Variants in PIK3C2G observed in about 807,000 individuals in gnomAD.
PIK3C2G encodes phosphatidylinositol 3-kinase C2 domain-containing subunit gamma.
A neutral mutation model predicts 181.1 loss-of-function variants in PIK3C2G; 168 were observed. The observed-to-expected ratio is 0.93, with a 90% CI of 0.82 to 1.05. The LOEUF is 1.05. PIK3C2G is among the 50% of genes least tolerant of loss of function. The probability of loss-of-function intolerance (pLI) is 0.00; values close to 1 mark genes in which losing one functional copy is unlikely to be tolerated. For missense variants in PIK3C2G, 1,869 were observed against 1,732.8 expected, an observed-to-expected ratio of 1.08 and a Z score of -1.40; for synonymous variants, 573 against 592.2, an observed-to-expected ratio of 0.97 and a Z score of 0.47.
intron 30 of PIK3C2G, among the ~76,000 whole-genome samples, chr12:18,605,835 G>T (rs1221714673): frequency 6.6e-6 from 1 of 152,028 alleles, no homozygotes; most frequent in Non-Finnish European, 1.5e-5. Context: ...ACAGCATGGT[G>T]CTTATAAACC....
chr12:18,468,579 C>A (rs976770925), intron 18 of PIK3C2G, among the ~76,000 whole-genome samples: 3 of 152,000 alleles, frequency 2.0e-5, no homozygotes, highest in Admixed American at 1.3e-4. Flanking sequence ...AGTTTAAGAT[C>A]ATTATTTATA....
chr12:18,472,589 T>C (rs867145337), intron 18 of PIK3C2G, among the ~76,000 whole-genome samples: 14 of 152,316 alleles, frequency 9.2e-5, no homozygotes, highest in African/African-American at 3.4e-4. Context: ...TAGTATTATA[T>C]ACATTCATTG....
At chr12:18,613,554 T>A (rs11831892) in intron 31 of PIK3C2G, among the ~76,000 whole-genome samples, 30,923 of 151,784 alleles carry the variant, frequency 0.2, 3,215 homozygotes, top group African/African-American at 0.24. Flanking sequence ...AGCCTGGGGG[T>A]CCTTGTTTTT....
intron 11 of PIK3C2G, among the ~76,000 whole-genome samples, chr12:18,351,988 G>C (rs138479051): frequency 2.0e-5 from 3 of 152,078 alleles, no homozygotes; most frequent in Non-Finnish European, 4.4e-5. Context: ...TGGGATGTTC[G>C]CATAACAATA....
At chr12:18,278,043 T>C (rs905887537) in intron 1 of PIK3C2G, among the ~76,000 whole-genome samples, 6 of 152,190 alleles carry the variant, frequency 3.9e-5, no homozygotes, top group African/African-American at 1.2e-4. Context: ...TCTATACTTA[T>C]TCTAGTCTCT....
intron 15 of PIK3C2G, among the ~76,000 whole-genome samples, chr12:18,395,654 G>A (rs77715496): frequency 0.13 from 19,293 of 150,472 alleles, 1,269 homozygotes; most frequent in African/African-American, 0.16. Context: ...AAAAGTGATT[G>A]AAGAAAAATG....
intron 16 of PIK3C2G, among the ~76,000 whole-genome samples, chr12:18,414,792 T>G (rs2135661787): frequency 6.6e-6 from 1 of 152,350 alleles, no homozygotes; most frequent in South Asian, 2.1e-4. Flanking sequence ...TTGCAGGAAC[T>G]TCAGCAGTAC....
chr12:18,663,163 A>G, the PIK3C2G span, among the ~76,000 whole-genome samples: 1 of 152,146 alleles, frequency 6.6e-6, no homozygotes, highest in Non-Finnish European at 1.5e-5. Context: ...AAGATCAGGA[A>G]CAAGGCAAGG....
At chr12:18,594,441 G>A in intron 29 of PIK3C2G, 53 bp from the exon 30 acceptor site, 2 of 995,362 alleles carry the variant, frequency 2.0e-6, no homozygotes, top group Non-Finnish European at 3.0e-6. Flanking sequence ...ATAATGAATA[G>A]CAGTAACAAA....
intron 24 of PIK3C2G, among the ~76,000 whole-genome samples, chr12:18,515,513 T>A (rs999397906): frequency 6.6e-5 from 10 of 152,182 alleles, no homozygotes; most frequent in Non-Finnish European, 8.8e-5. Context: ...TGGCATATAA[T>A]TGCCCATAAT....
intron 23 of PIK3C2G, 71 bp from the exon 24 acceptor site, chr12:18,505,221 T>C (rs1941742599): frequency 1.6e-6 from 2 of 1,276,406 alleles, no homozygotes; most frequent in Admixed American, 5.3e-5. Context: ...CTTTTTATGA[T>C]TACCTCTGAT....
the PIK3C2G span, among the ~76,000 whole-genome samples, chr12:18,700,160 A>T: frequency 6.6e-6 from 1 of 152,166 alleles, no homozygotes; most frequent in Non-Finnish European, 1.5e-5. Flanking sequence ...TTTAAAAATC[A>T]TGATTAATGT....
At chr12:18,684,199 C>T in the PIK3C2G span, 2 of 1,612,154 alleles carry the variant, frequency 1.2e-6, no homozygotes, top group Admixed American at 3.3e-5. Context: ...AAACCTTGAC[C>T]TTCAACAACA....
intron 18 of PIK3C2G, among the ~76,000 whole-genome samples, chr12:18,475,446 G>A (rs1419399961): frequency 2.0e-5 from 3 of 147,736 alleles, no homozygotes; most frequent in Non-Finnish European, 4.5e-5. Context: ...TTTTTCCCCC[G>A]AGATGAAAAA....
intron 6 of PIK3C2G, among the ~76,000 whole-genome samples, chr12:18,318,650 C>T (rs16914110): frequency 0.12 from 18,552 of 151,690 alleles, 1,370 homozygotes; most frequent in East Asian, 0.22. Context: ...TTTATTGATA[C>T]CATTACCTCG....
At chr12:18,714,953 GTTTTTCCAAACAGAA>G in the PIK3C2G span, 6 of 151,808 alleles carry the variant, frequency 4.0e-5, no homozygotes, top group Non-Finnish European at 7.4e-5. Context: ...AAAATCAGTA[GTTTTTCCAAACAGAA>G]GCACAGAGCA....
At chr12:18,636,080 C>T (rs1949588700) in intron 31 of PIK3C2G, among the ~76,000 whole-genome samples, 1 of 152,198 alleles carries the variant, frequency 6.6e-6, no homozygotes, top group Non-Finnish European at 1.5e-5. Flanking sequence ...ATACTGTCAT[C>T]AGTGTAATGG....
intron 1 of PIK3C2G, among the ~76,000 whole-genome samples, chr12:18,280,767 T>C (rs184817414): frequency 2.6e-4 from 39 of 152,108 alleles, no homozygotes; most frequent in African/African-American, 8.9e-4. Flanking sequence ...CAAAAATGAA[T>C]TGCAGAAAAT....
intron 16 of PIK3C2G, 91 bp downstream of exon 16, chr12:18,399,938 T>C: frequency 1.6e-6 from 1 of 638,122 alleles, no homozygotes; most frequent in Non-Finnish European, 2.4e-6. Context: ...CAATAGCTAT[T>C]CTGTTTGTTC....
Sources: allele counts gnomAD v4.1 joint callset (sites outside exome capture counted in the v4.1 genomes callset), GRCh38; gene constraint gnomAD v4.1.1; transcripts MANE v1.5; gene names NCBI Gene and HGNC (gene_info 2026-07-23, HGNC 2026-07-21).